The following SFRP2 variants were observed in gnomAD, a reference collection of about 807,000 sequenced individuals.
SFRP2 encodes the protein secreted frizzled-related protein 2.
A neutral mutation model predicts 26.0 loss-of-function variants in SFRP2; 16 were observed. The ratio of observed to expected loss-of-function variants is 0.61; its 90% CI spans 0.42 to 0.93. The LOEUF (loss-of-function observed/expected upper bound fraction) is 0.93. Ranked by LOEUF, SFRP2 falls within the 40% of genes least tolerant of loss-of-function variation. The pLI, the probability that SFRP2 is intolerant of heterozygous loss-of-function variation, is 0.00. For missense variants in SFRP2, 343 were observed against 392.4 expected (o/e 0.87, Z 1.06); for synonymous variants, 173 against 167.3 (o/e 1.03, Z -0.26).
chr4:153,786,985 T>C (rs1391865679), intron 1 of SFRP2, among the ~76,000 whole-genome samples: 1 of 152,188 alleles, frequency 6.6e-6, no homozygotes. Flanking sequence ...GAAAACTATG[T>C]GACTTAATAG....
At chr4:153,784,466 A>C (rs1249811160) in intron 2 of SFRP2, among the ~76,000 whole-genome samples, 2 of 152,060 alleles carry the variant, frequency 1.3e-5, no homozygotes, top group East Asian at 3.9e-4. Context: ...ACTTTGAGCT[A>C]CCTCCCTTCT....
In SFRP2 at chr4:153,788,915, GC is replaced by G. The variant is rs1388060925; in HGVS notation, c.-81del. On this transcript the variant is annotated 5_prime_UTR_variant, in exon 1 of 3. Transcript: ENST00000274063. ...CGGCCGGAGTTCGAGCTTGTCCCGG[GC>G]CCGCTCTCTTCGCTGGGTGCGACTC... 1 of 1,425,352 alleles carries G rather than the reference GC, an allele frequency of 7.0e-7. No individual in the cohort carries two copies. The highest frequency in any genetic ancestry group is 1.4e-5 in the African/African-American group (1 of 69,268). The allele number at this position is 1,425,352 out of a possible 1,614,324, so 88.3% of individuals were successfully genotyped here.
chr4:153,788,415 C>A lies in SFRP2; in HGVS notation c.421G>T (p.Glu141Ter). The change falls in exon 1 of 3, where the codon GAG becomes TAG. Residue 141 changes from glutamate to a stop codon, truncating the protein, a stop_gained. Coordinates refer to ENST00000274063, the MANE Select transcript of SFRP2 (RefSeq NM_003013.3). LOFTEE classifies it high-confidence loss of function. ...TTGTCCTGGGGGAAACGGTCGCACTCAAGCATGTCGGGCCAGGGGAAGCCG... is the reference window on the plus strand; with the variant it reads ...TTGTCCTGGGGGAAACGGTCGCACTAAAGCATGTCGGGCCAGGGGAAGCCG... ...AFGFPWPDML[E>*]CDRFPQDNDL... 2 of 1,614,076 alleles carry A rather than the reference C, an allele frequency of 1.2e-6. No individual in the cohort carries two copies. The highest frequency in any genetic ancestry group is 1.1e-5 in the South Asian group (1 of 91,088).
At position 153,788,434 on chromosome 4, in the gene SFRP2, G is replaced by A. The variant is rs1185743084; in HGVS notation, c.402C>T (p.Phe134=). 6.2e-6 allele frequency: 10 copies of A among 1,614,180 alleles called. No individual in the cohort carries two copies. In the East Asian group the frequency reaches 1.6e-4, roughly 25 times the overall value. Reference sequence around the variant, plus strand: ...CGCACTCAAGCATGTCGGGCCAGGGGAAGCCGAAGGCGGACATGACCGGGG... The same window carrying A: ...CGCACTCAAGCATGTCGGGCCAGGGAAAGCCGAAGGCGGACATGACCGGGG... The part of the protein sequence containing the change: ...RCAPVMSAFG[F]PWPDMLECDR... Residue 134 remains phenylalanine, a synonymous_variant, in exon 1 of 3, where the codon TTC becomes TTT. Coordinates refer to ENST00000274063, the MANE Select transcript of SFRP2 (RefSeq NM_003013.3).
chr4:153,782,235 G>A (rs750913578), intron 2 of SFRP2, among the ~76,000 whole-genome samples: 8 of 152,160 alleles, frequency 5.3e-5, no homozygotes, highest in African/African-American at 1.7e-4. Context: ...ACTGTGTCAC[G>A]CAATCATTGT....
chr4:153,788,369 G>C lies in SFRP2; in HGVS notation c.467C>G (p.Ala156Gly), dbSNP rs199551756. The C allele has an allele frequency of 1.2e-4, 192 of 1,613,142 alleles. 2 individuals are homozygous for C. In the South Asian group the frequency reaches 2.0e-3, roughly 17 times the overall value. Residue 156 changes from alanine (A) to glycine (G), a missense_variant, in exon 1 of 3, where the codon GCT (alanine) becomes GGT (glycine). This residue lies in a region of SFRP2 where 251 missense variants were observed against 253.3 expected (regional missense o/e 0.99). Coordinates refer to ENST00000274063, the MANE Select transcript of SFRP2 (RefSeq NM_003013.3). ...PQDNDLCIPL[A>G]SSDHLLPATE... Reference sequence around the variant, plus strand: ...GGCTGGCAGGAGGTGGTCGCTGCTAGCGAGGGGGATGCAAAGGTCGTTGTC... The same window carrying C: ...GGCTGGCAGGAGGTGGTCGCTGCTACCGAGGGGGATGCAAAGGTCGTTGTC...
rs765668271 is a variant in SFRP2 at position 153,781,522 on chromosome 4, C to A, written c.817G>T (p.Val273Leu). 6.2e-7 allele frequency: 1 copy of A among 1,614,188 alleles called. No individual in the cohort carries two copies. Among genetic ancestry groups the A allele is most frequent in the South Asian group, 1.1e-5 (1 of 91,082 alleles). The change falls in exon 3 of 3, where the codon GTG (valine) becomes TTG (leucine). Residue 273 changes from valine (V) to leucine (L), a missense_variant. This residue lies in a region of SFRP2 where 92 missense variants were observed against 139.0 expected (regional missense o/e 0.66). Transcript: ENST00000274063. ...KQGGELVITS[V>L]KRWQKGQREF... ...CTCTGCCCCTTCTGCCACCGCTTCA[C>A]CGAGGTGATCACCAGCTCCCCACCC...
In SFRP2 at chr4:153,788,764, C is replaced by A. The variant is rs143588179; in HGVS notation, c.72G>T (p.Gly24=). The change falls in exon 1 of 3, where the codon GGG becomes GGT. Residue 24 remains glycine (G), a synonymous_variant. Transcript: ENST00000274063. ...ASHCCLGSAR[G]LFLFGQPDFS... ...AGTCGGGCTGGCCAAAGAGGAAGAG[C>A]CCGCGCGCCGAGCCCAGGCAGCAGT... 6.2e-7 allele frequency: 1 copy of A among 1,611,568 alleles called. No homozygotes were observed. Among genetic ancestry groups the A allele is most frequent in the Non-Finnish European group, 8.5e-7 (1 of 1,179,962 alleles).
At chr4:153,782,865 A>G (rs1039570612) in intron 2 of SFRP2, among the ~76,000 whole-genome samples, 3 of 152,206 alleles carry the variant, frequency 2.0e-5, no homozygotes, top group Non-Finnish European at 4.4e-5. Context: ...CCTGACAGCT[A>G]TTCTGTATAG....
At chr4:153,781,777 G>C in intron 2 of SFRP2, 22 bp from the exon 3 acceptor site, 5 of 1,600,330 alleles carry the variant, frequency 3.1e-6, no homozygotes, top group Non-Finnish European at 4.3e-6. Context: ...GGCAGAAAGA[G>C]TCATGCCAGT....
At chr4:153,785,703 A>C (rs371557028) in intron 2 of SFRP2, among the ~76,000 whole-genome samples, 161 bp downstream of exon 2, 1 of 152,316 alleles carries the variant, frequency 6.6e-6, no homozygotes, top group South Asian at 2.1e-4. Context: ...CATAAGGAGG[A>C]AACTAGGATA....
chr4:153,786,018 A>G, intron 1 of SFRP2, 74 bp from the exon 2 acceptor site: 1 of 838,872 alleles, frequency 1.2e-6, no homozygotes. Flanking sequence ...AAACAACTCA[A>G]AGGGACTTAT....
At chr4:153,785,832 G>T in intron 2 of SFRP2, 32 bp downstream of exon 2, 1 of 1,371,368 alleles carries the variant, frequency 7.3e-7, no homozygotes, top group South Asian at 1.3e-5. Context: ...ACTTCTGAAT[G>T]TGAAATCTGT....
rs140062669 is a variant in SFRP2, at chr4:153,783,886, T to C, written c.583+1978A>G. On this transcript the variant is annotated intron_variant, in intron 2 of 2. Transcript: ENST00000274063. The stretch of plus-strand genomic sequence containing the variant: ...CTATGGGTCAAAAAGAGTGAAGAAA[T>C]AGAAAACAAAGCTTGTGAGGTATCT... Among the ~76,000 whole-genome samples the C allele has an allele frequency of 9.9e-5, 15 of 152,272 alleles. No individual in the cohort carries two copies. The East Asian group carries it at 2.5e-3, about 25-fold the overall frequency.
Position 153,781,330 on chromosome 4 carries a change from C to G in SFRP2, c.*121G>C. ...CAAACGTGCAAAAGGCAGGGGGAAG[C>G]TGCCCAGGCTGAGACTGGAGCAGCT... On this transcript the variant is annotated 3_prime_UTR_variant, in exon 3 of 3. Transcript: ENST00000274063. 1 of 884,142 alleles carries G rather than the reference C, an allele frequency of 1.1e-6. No individual in the cohort carries two copies. The allele number at this position is 884,142 out of a possible 1,614,324, so 54.8% of individuals were successfully genotyped here.
rs539775673 is a variant in SFRP2, at chr4:153,783,435, G to T, written c.584-1680C>A. ...GTCTAGCTCTAAAATAACTAATTTT[G>T]CAAATGTTTATCATGAGAAAACATT... On this transcript the variant is annotated intron_variant, in intron 2 of 2. Coordinates refer to ENST00000274063, the MANE Select transcript of SFRP2 (RefSeq NM_003013.3). 2.6e-5 allele frequency among the ~76,000 whole-genome samples: 4 copies of T among 152,136 alleles called. No homozygotes were observed. In the South Asian group the frequency reaches 8.3e-4, roughly 31 times the overall value.
Position 153,781,754 on chromosome 4 carries a change from T to A in SFRP2, c.585A>T (p.Ala195=), listed in dbSNP as rs1741124995. 1 of 1,612,350 alleles carries A rather than the reference T, an allele frequency of 6.2e-7. No individual in the cohort carries two copies. Residue 195 remains alanine (A), a splice_region_variant and synonymous_variant, in exon 3 of 3, where the codon GCA becomes GCT. Coordinates refer to ENST00000274063, the MANE Select transcript of SFRP2 (RefSeq NM_003013.3). ...TTATCTCCTTCACTTTTATTTTCAG[T>A]GCTATGAGGGAGGGCAGAAAGAGTC... ...IMETLCKNDF[A]LKIKVKEITY... is the part of the protein sequence containing the mutation.
rs1361361938 is a variant in SFRP2 at position 153,781,697 on chromosome 4, C to T, written c.642G>A (p.Leu214=). The part of the protein sequence containing the change: ...TYINRDTKII[L]ETKSKTIYKL... ...TGTAAATGGTCTTGCTCTTGGTCTC[C>T]AGGATGATTTTGGTATCTCGGTTGA... The change falls in exon 3 of 3, where the codon CTG becomes CTA. Residue 214 remains leucine (L), a synonymous_variant. Transcript: ENST00000274063. 7 of 1,614,146 alleles carry T rather than the reference C, an allele frequency of 4.3e-6. No homozygotes were observed. The highest frequency in any genetic ancestry group is 1.1e-5 in the South Asian group (1 of 91,078).
Position 153,788,409 on chromosome 4 carries a change from C to T in SFRP2, c.427G>A (p.Asp143Asn), listed in dbSNP as rs1741249478. 2 of 1,613,846 alleles carry T rather than the reference C, an allele frequency of 1.2e-6. No individual in the cohort carries two copies. The highest frequency in any genetic ancestry group is 1.3e-5 in the African/African-American group (1 of 74,930). Residue 143 changes from aspartate (D) to asparagine (N), a missense_variant, in exon 1 of 3, where the codon GAC (aspartate) becomes AAC (asparagine). This residue lies in a region of SFRP2 where 251 missense variants were observed against 253.3 expected (regional missense o/e 0.99). Coordinates refer to ENST00000274063, the MANE Select transcript of SFRP2 (RefSeq NM_003013.3). ...GFPWPDMLEC[D>N]RFPQDNDLCI... ...AGGTCGTTGTCCTGGGGGAAACGGT[C>T]GCACTCAAGCATGTCGGGCCAGGGG... is the stretch of plus-strand genomic sequence containing the variant.
Sources: allele counts gnomAD v4.1 joint callset (sites outside exome capture counted in the v4.1 genomes callset), GRCh38; gene constraint gnomAD v4.1.1; regional missense constraint gnomAD v4.1.1; transcripts MANE v1.5; gene names NCBI Gene and HGNC (gene_info 2026-07-23, HGNC 2026-07-21).